The following CFAP69 variants were observed in gnomAD, a reference collection of about 807,000 sequenced individuals.
The protein encoded by CFAP69 is cilia- and flagella-associated protein 69.
Under a neutral mutation model 123.0 loss-of-function variants are expected in CFAP69, and 92 were observed. That is an observed-to-expected ratio of 0.75 (90% confidence interval 0.63 to 0.89). The LOEUF is 0.89. Among genes scored for constraint, CFAP69 ranks in the 40% least tolerant of loss-of-function variants. The pLI, the probability that CFAP69 is intolerant of heterozygous loss-of-function variation, is 0.00. For synonymous variants in CFAP69, 380 were observed against 364.3 expected (o/e 1.04, Z -0.49); for missense variants, 1,067 against 1,096.9 (o/e 0.97, Z 0.39).
intron 13 of CFAP69, among the ~76,000 whole-genome samples, chr7:90,283,742 C>T (rs981542754): frequency 2.0e-5 from 3 of 152,034 alleles, no homozygotes; most frequent in Non-Finnish European, 2.9e-5. Flanking sequence ...CTATTTCAGT[C>T]GTTCGTATTC....
chr7:90,289,722 CTA>C (rs1790839057), intron 15 of CFAP69, among the ~76,000 whole-genome samples: 1 of 152,096 alleles, frequency 6.6e-6, no homozygotes, highest in South Asian at 2.1e-4. Context: ...AGATCACTGC[CTA>C]TGTTTCTTCT....
At position 90,282,188 on chromosome 7, in the gene CFAP69, T is replaced by TAA. The variant is rs58369979; in HGVS notation, c.1373-694_1373-693dup. 2.5e-4 allele frequency among the ~76,000 whole-genome samples: 37 copies of TAA among 146,810 alleles called. 1 individual carries two copies. Among genetic ancestry groups the TAA allele is most frequent in the South Asian group, 8.8e-4 (4 of 4,562 alleles). On this transcript the variant is annotated intron_variant, in intron 12 of 22. Transcript: ENST00000389297. ...GGCAACATGGTGAGACCCCATCTCT[T>TAA]AAAAAAAAAAAGCAGCTGGTCATAG... is the stretch of plus-strand genomic sequence containing the variant.
intron 16 of CFAP69, among the ~76,000 whole-genome samples, chr7:90,299,439 T>C (rs558597932): frequency 2.0e-5 from 3 of 152,270 alleles, no homozygotes; most frequent in African/African-American, 7.2e-5. Context: ...TCAGTTACTC[T>C]CTTAATAACA....
chr7:90,264,897 G>T (rs1162993265), intron 4 of CFAP69, among the ~76,000 whole-genome samples: 1 of 151,920 alleles, frequency 6.6e-6, no homozygotes, highest in Non-Finnish European at 1.5e-5. Flanking sequence ...GGATTCTAGC[G>T]ATTCTCCTGC....
intron 8 of CFAP69, 82 bp from the exon 9 acceptor site, chr7:90,273,892 CATTGGGGGTTAGG>C: frequency 1.0e-6 from 1 of 961,264 alleles, no homozygotes; most frequent in Middle Eastern, 3.1e-4. Flanking sequence ...AAAACCATCA[CATTGGGGGTTAGG>C]ATTTAAATAT....
intron 17 of CFAP69, chr7:90,303,646 G>A: frequency 1.0e-6 from 1 of 983,210 alleles, no homozygotes; most frequent in Non-Finnish European, 1.2e-6. Context: ...TTACATCACT[G>A]TTAAACTGAC....
intron 1 of CFAP69, among the ~76,000 whole-genome samples, chr7:90,247,208 G>A (rs1171959291): frequency 6.6e-6 from 1 of 152,178 alleles, no homozygotes; most frequent in Non-Finnish European, 1.5e-5. Flanking sequence ...AAGTTCATGA[G>A]AAGTTAACTG....
At chr7:90,281,975 A>G (rs1789561009) in intron 12 of CFAP69, among the ~76,000 whole-genome samples, 1 of 152,206 alleles carries the variant, frequency 6.6e-6, no homozygotes, top group African/African-American at 2.4e-5. Context: ...AAATTTTCAA[A>G]AAACATTGAA....
intron 22 of CFAP69, among the ~76,000 whole-genome samples, chr7:90,309,864 TA>T (rs1794124310): frequency 6.6e-6 from 1 of 152,184 alleles, no homozygotes; most frequent in East Asian, 1.9e-4. Flanking sequence ...TGCCCCCAGT[TA>T]CAAAGCTGAT....
chr7:90,261,828 A>G (rs1798370136), intron 3 of CFAP69, 119 bp from the exon 4 acceptor site: 2 of 474,764 alleles, frequency 4.2e-6, no homozygotes, highest in Middle Eastern at 5.7e-4. Flanking sequence ...TTAAAACAGT[A>G]TCTACCACAT....
At chr7:90,253,715 C>T (rs1447136169) in intron 1 of CFAP69, among the ~76,000 whole-genome samples, 2 of 152,002 alleles carry the variant, frequency 1.3e-5, no homozygotes, top group Non-Finnish European at 2.9e-5. Flanking sequence ...AGTTGTGTTC[C>T]TTGTATATTC....
rs370871153 is a variant in CFAP69, at chr7:90,288,271, A to G, written c.1694A>G (p.His565Arg). ...ACTGAAGGAGTAGATATCGTTCTTC[A>G]TGTGATGAAAACAGACCCCAGGAAG... Reference protein sequence around the residue: ...FGTEGVDIVLHVMKTDPRKLQ... With the variant: ...FGTEGVDIVLRVMKTDPRKLQ... Residue 565 changes from histidine to arginine, a missense_variant, in exon 15 of 23, where the codon CAT becomes CGT. Physicochemically the swap from His to Arg is conservative, Grantham distance 29. Transcript: ENST00000389297. The G allele has an allele frequency of 2.2e-5, 36 of 1,611,922 alleles. No individual in the cohort carries two copies. The African/African-American group carries it at 2.7e-4, about 12-fold the overall frequency.
Position 90,297,829 on chromosome 7 carries a change from C to G in CFAP69, c.1856C>G (p.Ala619Gly), listed in dbSNP as rs758517969. ...EGIFLLLDLL[A>G]LNQKKFCNLI... The stretch of plus-strand genomic sequence containing the variant: ...ATTTTTCTCCTTTTGGATTTGTTAG[C>G]AGTAAGTATGGCTATAACAATCATA... Residue 619 changes from alanine to glycine, a missense_variant and splice_region_variant, in exon 16 of 23, where the codon GCA becomes GGA. By Grantham distance (60) the Ala-to-Gly change is moderately conservative. Coordinates refer to ENST00000389297, the MANE Select transcript of CFAP69 (RefSeq NM_001039706.3). 1 of 1,564,786 alleles carries G rather than the reference C, an allele frequency of 6.4e-7. No individual in the cohort carries two copies. The highest frequency in any genetic ancestry group is 8.6e-7 in the Non-Finnish European group (1 of 1,159,524).
chr7:90,288,013 A>G (rs17866984), intron 14 of CFAP69, among the ~76,000 whole-genome samples: 2,291 of 152,186 alleles, frequency 0.015, 76 homozygotes, highest in African/African-American at 0.053. Context: ...TGGCATGTTG[A>G]TTGATGCCCC....
At chr7:90,312,083 A>G (rs2117513625), downstream of CFAP69, among the ~76,000 whole-genome samples, 1 of 152,328 alleles carries the variant, frequency 6.6e-6, no homozygotes, top group Admixed American at 6.5e-5. Flanking sequence ...GGTAGAGACC[A>G]TATCTCATTA....
intron 12 of CFAP69, among the ~76,000 whole-genome samples, chr7:90,281,101 A>G (rs1789421642): frequency 6.6e-6 from 1 of 152,186 alleles, no homozygotes; most frequent in African/African-American, 2.4e-5. Flanking sequence ...ACACCTTCCA[A>G]GTATTAAGTC....
chr7:90,254,014 T>C (rs1403970379), intron 1 of CFAP69, among the ~76,000 whole-genome samples: 2 of 152,196 alleles, frequency 1.3e-5, no homozygotes, highest in African/African-American at 2.4e-5. Flanking sequence ...GATTTTTTTA[T>C]TTGGTGAGAC....
At chr7:90,306,683 T>C (rs1241180414) in intron 19 of CFAP69, among the ~76,000 whole-genome samples, 1 of 152,212 alleles carries the variant, frequency 6.6e-6, no homozygotes, top group African/African-American at 2.4e-5. Context: ...GCCTTATCCA[T>C]GAATAACATA....
At chr7:90,288,477 T>C in intron 15 of CFAP69, 125 bp downstream of exon 15, 1 of 1,118,856 alleles carries the variant, frequency 8.9e-7, no homozygotes, top group Non-Finnish European at 1.3e-6. Context: ...TTATAGGATG[T>C]AGTTACACAA....
Sources: allele counts gnomAD v4.1 joint callset (sites outside exome capture counted in the v4.1 genomes callset), GRCh38; gene constraint gnomAD v4.1.1; transcripts MANE v1.5; gene names NCBI Gene and HGNC (gene_info 2026-07-23, HGNC 2026-07-21).